Variants in PRSS56 observed in about 807,000 individuals in gnomAD.
PRSS56 encodes serine protease 56.
PRSS56 carries 55 observed loss-of-function variants against 66.8 expected under a neutral mutation model. That is an observed-to-expected ratio of 0.82 (90% CI 0.66 to 1.03). The LOEUF (loss-of-function observed/expected upper bound fraction) is 1.03. PRSS56 is among the 50% of genes least tolerant of loss of function. The pLI, the probability that PRSS56 is intolerant of heterozygous loss-of-function variation, is 0.00. For missense variants in PRSS56, 869 were observed against 837.2 expected (o/e 1.04, Z -0.47); for synonymous variants, 409 against 387.9 (o/e 1.05, Z -0.64).
At chr2:232,524,509 A>T in intron 11 of PRSS56, 140 bp downstream of exon 11, 1 of 841,992 alleles carries the variant, frequency 1.2e-6, no homozygotes, top group Non-Finnish European at 1.8e-6. Flanking sequence ...CCCGCCATAG[A>T]GCGTATGACT....
In PRSS56 at chr2:232,522,198, C is replaced by T. The variant is rs985573096; in HGVS notation, c.446+38C>T. The T allele has an allele frequency of 4.2e-6, 6 of 1,423,550 alleles. No individual in the cohort carries two copies. The African/African-American group carries it at 4.5e-5, about 11-fold the overall frequency. 88.2% of individuals were successfully genotyped at this position (1,423,550 alleles called of 1,614,324 possible). A position where few individuals can be genotyped will look rare whatever the true frequency, so the allele number is the denominator to read the frequency against. On this transcript the variant is annotated intron_variant, in intron 4 of 12. Transcript: ENST00000617714. ...CCCAGGCCTTGCCCAGCTGGGGTCCCCGGCGCTGGGCCCCGCACCTGCCGG... is the reference window on the plus strand; with the variant it reads ...CCCAGGCCTTGCCCAGCTGGGGTCCTCGGCGCTGGGCCCCGCACCTGCCGG...
Position 232,524,379 on chromosome 2 carries a change from C to G in PRSS56, c.1414+10C>G. 1 of 1,534,158 alleles carries G rather than the reference C, an allele frequency of 6.5e-7. No individual in the cohort carries two copies. The highest frequency in any genetic ancestry group is 8.7e-7 in the Non-Finnish European group (1 of 1,146,012). Reference sequence around the variant, plus strand: ...CGCGGAGAAGCCAACGGTAATGACGCCCCCTGCCGACCTTCAGGAGGGGAT... The same window carrying G: ...CGCGGAGAAGCCAACGGTAATGACGGCCCCTGCCGACCTTCAGGAGGGGAT... On this transcript the variant is annotated intron_variant, in intron 11 of 12. Transcript: ENST00000617714.
chr2:232,521,674 G>T (rs1691280260), intron 2 of PRSS56, 142 bp from the exon 3 acceptor site: 2 of 886,902 alleles, frequency 2.3e-6, no homozygotes, highest in African/African-American at 1.7e-5. Context: ...ACCAGGAGAA[G>T]TTCATGGTTG....
chr2:232,524,302 C>T lies in PRSS56; in HGVS notation c.1352-5C>T. The T allele has an allele frequency of 6.5e-7, 1 of 1,535,758 alleles. No homozygotes were observed. On this transcript the variant is annotated splice_polypyrimidine_tract_variant and splice_region_variant and intron_variant, in intron 10 of 12. Coordinates refer to ENST00000617714, the MANE Select transcript of PRSS56 (RefSeq NM_001195129.2). ...AGGCGGTACCCTAACCCTGTGCCTCCCCAGGATCGCGGGCTGCAGGCACTC... is the reference window on the plus strand; with the variant it reads ...AGGCGGTACCCTAACCCTGTGCCTCTCCAGGATCGCGGGCTGCAGGCACTC...
At chr2:232,523,004 C>T (rs1574623174) in intron 6 of PRSS56, 56 bp from the exon 7 acceptor site, 2 of 1,514,674 alleles carry the variant, frequency 1.3e-6, no homozygotes, top group Non-Finnish European at 1.8e-6. Context: ...GGGAAGGGGA[C>T]CCTCAAGGCG....
At position 232,525,328 on chromosome 2, in the gene PRSS56, C is replaced by T. The variant is rs1178189320; in HGVS notation, c.1634C>T (p.Ala545Val). The T allele has an allele frequency of 7.2e-6, 11 of 1,527,694 alleles. No individual in the cohort carries two copies. Among genetic ancestry groups the T allele is most frequent in the South Asian group, 6.0e-5 (5 of 83,676 alleles). The allele number at this position is 1,527,694 out of a possible 1,614,324, so 94.6% of individuals were successfully genotyped here. A position where few individuals can be genotyped will look rare whatever the true frequency, so the allele number is the denominator to read the frequency against. Residue 545 changes from alanine (A) to valine (V), a missense_variant, in exon 13 of 13, where the codon GCC (alanine) becomes GTC (valine). By Grantham distance (64) the Ala-to-Val change is moderately conservative. This residue lies in a region of PRSS56 where 551 missense variants were observed against 506.9 expected (regional missense o/e 1.09). Transcript: ENST00000617714. ...AFSGLVGLEP[A>V]TLARSLPRLL... ...AGCGGCCTGGTGGGCCTGGAGCCGG[C>T]CACACTGGCTCGCAGCCTCCCCCGG...
At position 232,522,265 on chromosome 2, in the gene PRSS56, C is replaced by T. The variant is rs965477770; in HGVS notation, c.446+105C>T. 2.2e-4 allele frequency: 247 copies of T among 1,120,286 alleles called. No homozygotes were observed. The South Asian group carries it at 4.2e-3, about 19-fold the overall frequency. The allele number at this position is 1,120,286 out of a possible 1,614,324, so 69.4% of individuals were successfully genotyped here. Reference sequence around the variant, plus strand: ...CGCGCGGGAAAGGTGGTCTCTGCTGCCCCCTGGCGGCGGCCGGCCCCGGGC... The same window carrying T: ...CGCGCGGGAAAGGTGGTCTCTGCTGTCCCCTGGCGGCGGCCGGCCCCGGGC... On this transcript the variant is annotated intron_variant, in intron 4 of 12. Coordinates refer to ENST00000617714, the MANE Select transcript of PRSS56 (RefSeq NM_001195129.2).
chr2:232,521,891 G>T (rs1236371213), intron 3 of PRSS56, 25 bp downstream of exon 3: 1 of 1,533,234 alleles, frequency 6.5e-7, no homozygotes, highest in African/African-American at 1.4e-5. Context: ...GCTCGAGGGG[G>T]CAGGCCTGAG....
intron 9 of PRSS56, 35 bp from the exon 10 acceptor site, chr2:232,524,004 T>A: frequency 1.3e-6 from 2 of 1,524,994 alleles, no homozygotes; most frequent in Non-Finnish European, 1.7e-6. Context: ...CTGGCCAGCC[T>A]CTGACCGCCG....
At chr2:232,520,754 C>A (rs1457203751) in intron 1 of PRSS56, 59 bp downstream of exon 1, 3 of 1,198,038 alleles carry the variant, frequency 2.5e-6, no homozygotes, top group Non-Finnish European at 3.5e-6. Context: ...GAAGTGGGAC[C>A]CTGGGCGGGC....
Position 232,525,211 on chromosome 2 carries a change from T to G in PRSS56, c.1522-5T>G, listed in dbSNP as rs886442210. ...GGCCCCTGATCCCCACTCCTCCATC[T>G]GTAGGTCCTGGCAGATCTGGGCTCC... On this transcript the variant is annotated splice_region_variant and splice_polypyrimidine_tract_variant and intron_variant, in intron 12 of 12. Coordinates refer to ENST00000617714, the MANE Select transcript of PRSS56 (RefSeq NM_001195129.2). 6.1e-6 allele frequency: 9 copies of G among 1,477,690 alleles called. No individual in the cohort carries two copies. In the African/African-American group the frequency reaches 8.4e-5, roughly 14 times the overall value. The allele number at this position is 1,477,690 out of a possible 1,614,324, so 91.5% of individuals were successfully genotyped here. A position where few individuals can be genotyped will look rare whatever the true frequency, so the allele number is the denominator to read the frequency against.
intron 12 of PRSS56, among the ~76,000 whole-genome samples, 180 bp downstream of exon 12, chr2:232,525,024 C>A (rs965263293): frequency 2.0e-5 from 3 of 150,750 alleles, no homozygotes; most frequent in African/African-American, 7.3e-5. Flanking sequence ...GGAGTGTGAG[C>A]CAGGCCACTG....
Position 232,522,498 on chromosome 2 carries a change from T to A in PRSS56, c.447-17T>A, listed in dbSNP as rs771643253. ...GCCCCTGTCCTTCCTGCGTCTCAGC[T>A]GCCGCTCGACCCGCAGCGCCCCGAA... is the stretch of plus-strand genomic sequence containing the variant. On this transcript the variant is annotated splice_polypyrimidine_tract_variant and intron_variant, in intron 4 of 12. Coordinates refer to ENST00000617714, the MANE Select transcript of PRSS56 (RefSeq NM_001195129.2). The A allele has an allele frequency of 2.0e-6, 3 of 1,523,770 alleles. No individual in the cohort carries two copies. In the South Asian group the frequency reaches 3.6e-5, roughly 18 times the overall value. 94.4% of individuals were successfully genotyped at this position (1,523,770 alleles called of 1,614,324 possible). A position where few individuals can be genotyped will look rare whatever the true frequency, so the allele number is the denominator to read the frequency against.
rs778260370 is a variant in PRSS56, at chr2:232,525,227, T to A, written c.1533T>A (p.Asp511Glu). The A allele has an allele frequency of 6.0e-6, 9 of 1,497,716 alleles. No individual in the cohort carries two copies. The highest frequency in any genetic ancestry group is 8.0e-6 in the Non-Finnish European group (9 of 1,126,906). The allele number at this position is 1,497,716 out of a possible 1,614,324, so 92.8% of individuals were successfully genotyped here. ...LAMNFHEVLA[D>E]LGSKTLTGLF... Reference sequence around the variant, plus strand: ...TCCTCCATCTGTAGGTCCTGGCAGATCTGGGCTCCAAGACACTGACCGGGC... The same window carrying A: ...TCCTCCATCTGTAGGTCCTGGCAGAACTGGGCTCCAAGACACTGACCGGGC... Residue 511 changes from aspartate to glutamate, a missense_variant, in exon 13 of 13, where the codon GAT (aspartate) becomes GAA (glutamate). Physicochemically the swap from Asp to Glu is conservative, Grantham distance 45. This residue lies in a region of PRSS56 where 551 missense variants were observed against 506.9 expected (regional missense o/e 1.09). Coordinates refer to ENST00000617714, the MANE Select transcript of PRSS56 (RefSeq NM_001195129.2).
In PRSS56 at chr2:232,522,598, T is replaced by C; in HGVS notation, c.530T>C (p.Ile177Thr). 6.5e-7 allele frequency: 1 copy of C among 1,534,958 alleles called. No individual in the cohort carries two copies. The change falls in exon 5 of 13, where the codon ATC (isoleucine) becomes ACC (threonine). Residue 177 changes from isoleucine (I) to threonine (T), a missense_variant. Transcript: ENST00000617714. ...EQAEEVPVNR[I>T]LPHPKFDPRT... ...GCGGAGGAGGTGCCAGTGAACCGCA[T>C]CCTGCCCCACCCCAAGGTGAGAAGG...
chr2:232,525,145 G>T (rs1462713611), intron 12 of PRSS56, 71 bp from the exon 13 acceptor site: 13 of 1,382,994 alleles, frequency 9.4e-6, no homozygotes. Context: ...CAGGGGGAGA[G>T]GGGGTGACCT....
chr2:232,525,213 T>C lies in PRSS56; in HGVS notation c.1522-3T>C. On this transcript the variant is annotated splice_region_variant and splice_polypyrimidine_tract_variant and intron_variant, in intron 12 of 12. Transcript: ENST00000617714. ...CCCCTGATCCCCACTCCTCCATCTG[T>C]AGGTCCTGGCAGATCTGGGCTCCAA... The C allele has an allele frequency of 1.4e-6, 2 of 1,479,564 alleles. No homozygotes were observed. Among genetic ancestry groups the C allele is most frequent in the Non-Finnish European group, 1.8e-6 (2 of 1,117,166 alleles). 91.7% of individuals were successfully genotyped at this position (1,479,564 alleles called of 1,614,324 possible). A position where few individuals can be genotyped will look rare whatever the true frequency, so the allele number is the denominator to read the frequency against.
rs919411439 is a variant in PRSS56, at chr2:232,524,422, G to C, written c.1414+53G>C. 6 of 1,501,652 alleles carry C rather than the reference G, an allele frequency of 4.0e-6. No homozygotes were observed. In the African/African-American group the frequency reaches 4.2e-5, roughly 10 times the overall value. 93.0% of individuals were successfully genotyped at this position (1,501,652 alleles called of 1,614,324 possible). ...GAGGGGATAGGCTGAGGGCCTGGAC[G>C]AGGTCGGAAGCGCTTCTACTGCAGC... On this transcript the variant is annotated intron_variant, in intron 11 of 12. Transcript: ENST00000617714.
rs764043173 is a variant in PRSS56 at position 232,522,555 on chromosome 2, G to A, written c.487G>A (p.Gly163Arg). Residue 163 changes from glycine to arginine, a missense_variant, in exon 5 of 13, where the codon GGG becomes AGG. This residue lies in a region of PRSS56 where 315 missense variants were observed against 313.7 expected (regional missense o/e 1.00). Transcript: ENST00000617714. Reference sequence around the variant, plus strand: ...TCTGTGGACTGTGACGCTGGCAGAGGGGTCCCGGGGGGAGCAAGCGGAGGA... The same window carrying A: ...TCTGTGGACTGTGACGCTGGCAGAGAGGTCCCGGGGGGAGCAAGCGGAGGA... ...ELLWTVTLAE[G>R]SRGEQAEEVP... The A allele has an allele frequency of 2.0e-6, 3 of 1,535,030 alleles. No homozygotes were observed. The highest frequency in any genetic ancestry group is 1.7e-6 in the Non-Finnish European group (2 of 1,146,558).
Sources: allele counts gnomAD v4.1 joint callset (sites outside exome capture counted in the v4.1 genomes callset), GRCh38; gene constraint gnomAD v4.1.1; regional missense constraint gnomAD v4.1.1; transcripts MANE v1.5; gene names NCBI Gene and HGNC (gene_info 2026-07-23, HGNC 2026-07-21).